Variants in COL19A1 observed in about 807,000 individuals in gnomAD.
COL19A1 encodes collagen type XIX alpha 1 chain, also known as collagen alpha-1(XIX) chain.
COL19A1 carries 159 observed loss-of-function variants against 190.2 expected under a neutral mutation model. That is an observed-to-expected ratio of 0.84 (90% confidence interval 0.73 to 0.95). The LOEUF is 0.95. Ranked by LOEUF, COL19A1 falls within the 40% of genes least tolerant of loss-of-function variation. The pLI is 0.00. For missense variants in COL19A1, 1,418 were observed against 1,431.9 expected, an observed-to-expected ratio of 0.99 and a Z score of 0.16; for synonymous variants, 509 against 458.9, an observed-to-expected ratio of 1.11 and a Z score of -1.39.
chr6:70,054,204 G>A (rs1035750919), intron 14 of COL19A1, among the ~76,000 whole-genome samples: 1 of 152,056 alleles, frequency 6.6e-6, no homozygotes, highest in South Asian at 2.1e-4. Context: ...ACAAAATTTA[G>A]CTGTGTGTGA....
intron 2 of COL19A1, among the ~76,000 whole-genome samples, chr6:69,897,630 A>G (rs1200983900): frequency 6.6e-6 from 1 of 152,096 alleles, no homozygotes. Flanking sequence ...TCTCTCAGGC[A>G]TGTTTTATAG....
chr6:70,163,412 C>T lies in COL19A1; in HGVS notation c.2400+16C>T. On this transcript the variant is annotated intron_variant, in intron 36 of 50. Coordinates refer to ENST00000620364, the MANE Select transcript of COL19A1 (RefSeq NM_001858.6). ...AGGTGAAAAGGTACAAAGGAAAAGC[C>T]TCACTTACCATCCAAACTGGGGCTT... 6.2e-7 allele frequency: 1 copy of T among 1,608,264 alleles called. No homozygotes were observed. Among genetic ancestry groups the T allele is most frequent in the Non-Finnish European group, 8.5e-7 (1 of 1,177,000 alleles).
rs751017830 is a variant in COL19A1, at chr6:70,140,965, T to C, written c.1458T>C (p.Phe486=). 9.9e-6 allele frequency: 16 copies of C among 1,610,350 alleles called. No homozygotes were observed. The highest frequency in any genetic ancestry group is 1.4e-5 in the Non-Finnish European group (16 of 1,177,326). The change falls in exon 20 of 51, where the codon TTT becomes TTC. Residue 486 remains phenylalanine (F), a synonymous_variant. Transcript: ENST00000620364. ...CCCCTTCTCCTTAGGGAGAGCCTTTTACAAAAGGAGAAAAAGGAGATAGAG... is the reference window on the plus strand; with the variant it reads ...CCCCTTCTCCTTAGGGAGAGCCTTTCACAAAAGGAGAAAAAGGAGATAGAG... ...KGQKGEPGEP[F]TKGEKGDRGE...
intron 4 of COL19A1, among the ~76,000 whole-genome samples, chr6:69,924,408 C>T (rs1424960776): frequency 6.6e-6 from 1 of 152,102 alleles, no homozygotes; most frequent in Admixed American, 6.6e-5. Flanking sequence ...CAGCTTCATC[C>T]ATGTCCCTAC....
At chr6:69,873,680 T>C (rs1767968723) in intron 1 of COL19A1, among the ~76,000 whole-genome samples, 1 of 152,244 alleles carries the variant, frequency 6.6e-6, no homozygotes, top group Non-Finnish European at 1.5e-5. Context: ...CCTCTTGCCC[T>C]GTACCCACCC....
chr6:70,141,883 T>G lies in COL19A1; in HGVS notation c.1483-10T>G, dbSNP rs1317106479. 6.4e-7 allele frequency: 1 copy of G among 1,559,524 alleles called. No individual in the cohort carries two copies. The highest frequency in any genetic ancestry group is 8.8e-7 in the Non-Finnish European group (1 of 1,131,166). The stretch of plus-strand genomic sequence containing the variant: ...AAGCATTACCCTTATAGTAATTATT[T>G]TATTTACAGGGAGAACCTGGGGTAA... On this transcript the variant is annotated splice_polypyrimidine_tract_variant and intron_variant, in intron 20 of 50. Coordinates refer to ENST00000620364, the MANE Select transcript of COL19A1 (RefSeq NM_001858.6).
At chr6:70,196,969 A>G (rs1767237132) in intron 48 of COL19A1, among the ~76,000 whole-genome samples, 3 of 152,228 alleles carry the variant, frequency 2.0e-5, no homozygotes, top group Admixed American at 1.3e-4. Flanking sequence ...CAGATAATTT[A>G]CAGCTAGAAG....
Position 70,090,781 on chromosome 6 carries a change from T to C in COL19A1, c.1225-11388T>C, listed in dbSNP as rs147278338. On this transcript the variant is annotated intron_variant, in intron 15 of 50. Coordinates refer to ENST00000620364, the MANE Select transcript of COL19A1 (RefSeq NM_001858.6). ...TAACGGCTTCACATCACAATCACAG[T>C]AATGAAACTCAGAGCACTCACCATA... is the stretch of plus-strand genomic sequence containing the variant. 5.3e-5 allele frequency among the ~76,000 whole-genome samples: 8 copies of C among 152,262 alleles called. No homozygotes were observed. The East Asian group carries it at 1.5e-3, about 29-fold the overall frequency.
intron 1 of COL19A1, among the ~76,000 whole-genome samples, chr6:69,866,895 C>A (rs1767480575): frequency 6.6e-6 from 1 of 152,068 alleles, no homozygotes; most frequent in Non-Finnish European, 1.5e-5. Context: ...CCATGTAGTT[C>A]GTGTTCCTAT....
intron 15 of COL19A1, among the ~76,000 whole-genome samples, chr6:70,071,562 A>T (rs758624227): frequency 6.6e-6 from 1 of 151,924 alleles, no homozygotes; most frequent in African/African-American, 2.4e-5. Flanking sequence ...TTTATATGCC[A>T]TTATTTATTT....
At chr6:69,930,205 T>C (rs1772666390) in intron 6 of COL19A1, among the ~76,000 whole-genome samples, 1 of 152,210 alleles carries the variant, frequency 6.6e-6, no homozygotes, top group African/African-American at 2.4e-5. Flanking sequence ...AAAAATTCAC[T>C]AAATGTATTA....
intron 36 of COL19A1, among the ~76,000 whole-genome samples, chr6:70,165,386 C>T (rs991401570): frequency 3.3e-5 from 5 of 152,174 alleles, no homozygotes; most frequent in Non-Finnish European, 2.9e-5. Flanking sequence ...TGCTTCTGCT[C>T]AGGAAGATGT....
At chr6:70,104,159 C>T (rs1182785218) in intron 16 of COL19A1, among the ~76,000 whole-genome samples, 1 of 152,106 alleles carries the variant, frequency 6.6e-6, no homozygotes, top group Non-Finnish European at 1.5e-5. Flanking sequence ...TATAAAAGCA[C>T]ATTGGGGGAA....
intron 14 of COL19A1, among the ~76,000 whole-genome samples, chr6:70,051,002 G>T (rs996766478): frequency 5.9e-5 from 9 of 151,868 alleles, no homozygotes; most frequent in Non-Finnish European, 1.3e-4. Context: ...AGTTATTTTA[G>T]CTTGGGCATA....
chr6:70,122,003 GA>G lies in COL19A1; in HGVS notation c.1341+69del, dbSNP rs571573308. 4.3e-5 allele frequency: 48 copies of G among 1,121,332 alleles called. 1 individual carries two copies. The highest frequency in any genetic ancestry group is 3.3e-4 in the African/African-American group (20 of 60,892). 69.5% of individuals were successfully genotyped at this position (1,121,332 alleles called of 1,614,324 possible). A position where few individuals can be genotyped will look rare whatever the true frequency, so the allele number is the denominator to read the frequency against. ...AGAAATTTTATATGATTGTATTTTT[GA>G]AAAAAAACTTATTAATTCCTAACTT... On this transcript the variant is annotated intron_variant, in intron 17 of 50. Transcript: ENST00000620364.
chr6:69,885,726 A>AT (rs1210476047), intron 2 of COL19A1, among the ~76,000 whole-genome samples: 1 of 117,246 alleles, frequency 8.5e-6, no homozygotes, highest in East Asian at 2.2e-4. Context: ...AGATCACACA[A>AT]TATTTTTTTT....
intron 11 of COL19A1, among the ~76,000 whole-genome samples, chr6:69,974,414 T>G (rs555809413): frequency 2.3e-4 from 35 of 152,332 alleles, no homozygotes; most frequent in African/African-American, 8.4e-4. Flanking sequence ...AGGAACTCAC[T>G]GATAGTGATT....
At chr6:69,868,209 A>G (rs972526330) in intron 1 of COL19A1, among the ~76,000 whole-genome samples, 16 of 146,300 alleles carry the variant, frequency 1.1e-4, no homozygotes, top group South Asian at 2.3e-4. Flanking sequence ...GGAAAAAAAA[A>G]AAAGAAAGAA....
At chr6:69,871,294 G>A (rs1767806933) in intron 1 of COL19A1, among the ~76,000 whole-genome samples, 1 of 152,052 alleles carries the variant, frequency 6.6e-6, no homozygotes, top group Admixed American at 6.5e-5. Flanking sequence ...TGTAACACCT[G>A]TTGTTTTTGC....
Sources: allele counts gnomAD v4.1 joint callset (sites outside exome capture counted in the v4.1 genomes callset), GRCh38; gene constraint gnomAD v4.1.1; transcripts MANE v1.5; gene names NCBI Gene and HGNC (gene_info 2026-07-23, HGNC 2026-07-21).